VPS8: variants seen among roughly 807,000 people sequenced by gnomAD.
VPS8 encodes VPS8 subunit of CORVET complex.
Under a neutral mutation model 216.4 loss-of-function variants are expected in VPS8, and 129 were observed. The observed-to-expected ratio is 0.60, with a 90% CI of 0.52 to 0.69. The LOEUF is 0.69. Among genes scored for constraint, VPS8 ranks in the 30% least tolerant of loss-of-function variants. The pLI is 0.00. For missense variants in VPS8, 1,531 were observed against 1,683.5 expected (o/e 0.91, Z 1.59); for synonymous variants, 571 against 565.4 (o/e 1.01, Z -0.14).
Position 184,985,687 on chromosome 3 carries a change from A to C in VPS8, c.3585+2593A>C, listed in dbSNP as rs555944035. On this transcript the variant is annotated intron_variant, in intron 42 of 47. Transcript: ENST00000625842. ...GCAAATGGCCTAAACAAGGCCAATC[A>C]GTGTGCTTTCCAGGACATTTTGGAA... 7.9e-5 allele frequency among the ~76,000 whole-genome samples: 12 copies of C among 152,332 alleles called. No individual in the cohort carries two copies. In the South Asian group the frequency reaches 2.5e-3, roughly 32 times the overall value.
At chr3:185,016,206 T>G (rs1377784755) in intron 45 of VPS8, among the ~76,000 whole-genome samples, 1 of 152,206 alleles carries the variant, frequency 6.6e-6, no homozygotes, top group Non-Finnish European at 1.5e-5. Context: ...TCCCTACGTA[T>G]CGTTACTTTC....
At position 185,034,771 on chromosome 3, in the gene VPS8, G is replaced by T. The variant is rs139526995; in HGVS notation, c.4056+10382G>T. Among the ~76,000 whole-genome samples, 15 of 151,950 alleles carry T rather than the reference G, an allele frequency of 9.9e-5. No individual in the cohort carries two copies. In the East Asian group the frequency reaches 2.9e-3, roughly 29 times the overall value. ...TGTTGCAATTGCTTTTGGAGACTTA[G>T]CAAAAAAATATTTGCCAAGGGTCAA... On this transcript the variant is annotated intron_variant, in intron 46 of 47. Coordinates refer to ENST00000625842, the MANE Select transcript of VPS8 (RefSeq NM_001009921.3).
chr3:184,812,799 C>G (rs991859083), intron 1 of VPS8: 1 of 152,236 alleles, frequency 6.6e-6, no homozygotes, highest in Non-Finnish European at 1.5e-5. Flanking sequence ...GGTGTGTAGC[C>G]GGTCTGTCGG....
chr3:184,928,888 A>G lies in VPS8; in HGVS notation c.2714+355A>G, dbSNP rs58323829. On this transcript the variant is annotated intron_variant, in intron 32 of 47. Coordinates refer to ENST00000625842, the MANE Select transcript of VPS8 (RefSeq NM_001009921.3). Reference sequence around the variant, plus strand: ...GACAATGCAGTATTTGACGTAGTAAATAAGATGATATGATCACATTGCTAC... The same window carrying G: ...GACAATGCAGTATTTGACGTAGTAAGTAAGATGATATGATCACATTGCTAC... Among the ~76,000 whole-genome samples the G allele has an allele frequency of 4.7e-3, 711 of 152,300 alleles. 7 individuals carry two copies. Among genetic ancestry groups the G allele is most frequent in the African/African-American group, 0.016 (666 of 41,566 alleles).
At chr3:185,024,440 T>C (rs2110077069) in intron 46 of VPS8, 51 bp downstream of exon 46, 1 of 1,511,436 alleles carries the variant, frequency 6.6e-7, no homozygotes, top group Admixed American at 1.9e-5. Flanking sequence ...GTATGTTTAT[T>C]CTCCTATGTG....
At chr3:184,887,950 A>G (rs571489211) in intron 22 of VPS8, among the ~76,000 whole-genome samples, 44 of 151,844 alleles carry the variant, frequency 2.9e-4, no homozygotes, top group African/African-American at 1.1e-3. Flanking sequence ...TTAGCAAAAC[A>G]CATCGTGTTT....
At chr3:184,912,112 TC>T (rs1239742658) in intron 25 of VPS8, among the ~76,000 whole-genome samples, 5 of 152,136 alleles carry the variant, frequency 3.3e-5, no homozygotes, top group Admixed American at 1.3e-4. Flanking sequence ...TAAGCTCCCC[TC>T]CCCTTTCTAA....
intron 25 of VPS8, among the ~76,000 whole-genome samples, chr3:184,908,956 A>T (rs1306561544): frequency 6.6e-6 from 1 of 152,234 alleles, no homozygotes. Flanking sequence ...CAACTGGGAA[A>T]GGATGTGCAG....
chr3:185,024,257 T>C, intron 45 of VPS8, 79 bp from the exon 46 acceptor site: 6 of 1,258,820 alleles, frequency 4.8e-6, no homozygotes, highest in Non-Finnish European at 6.7e-6. Context: ...CCAATTCTAG[T>C]TGAATTATTT....
At chr3:184,833,471 GGCTGTT>G (rs1720438889) in intron 4 of VPS8, among the ~76,000 whole-genome samples, 1 of 152,050 alleles carries the variant, frequency 6.6e-6, no homozygotes, top group Non-Finnish European at 1.5e-5. Context: ...ATGGGATAGG[GGCTGTT>G]GCTGGATATG....
chr3:184,881,911 A>G (rs7617658), intron 21 of VPS8, among the ~76,000 whole-genome samples: 4,775 of 152,116 alleles, frequency 0.031, 261 homozygotes, highest in African/African-American at 0.11. Context: ...GTAATGGCAT[A>G]TGGAATGTTT....
At chr3:184,986,527 G>A (rs1330064243) in intron 42 of VPS8, among the ~76,000 whole-genome samples, 7 of 152,110 alleles carry the variant, frequency 4.6e-5, no homozygotes, top group Non-Finnish European at 7.3e-5. Context: ...GGTATTCCCC[G>A]TGCTCCTCTT....
At chr3:184,842,868 T>C (rs1033555862) in intron 7 of VPS8, among the ~76,000 whole-genome samples, 1 of 152,014 alleles carries the variant, frequency 6.6e-6, no homozygotes, top group African/African-American at 2.4e-5. Flanking sequence ...TTATACAGAG[T>C]CTTAAAAGTT....
At chr3:185,008,421 G>A (rs933572312) in intron 45 of VPS8, among the ~76,000 whole-genome samples, 2 of 152,178 alleles carry the variant, frequency 1.3e-5, no homozygotes, top group African/African-American at 4.8e-5. Flanking sequence ...CCACTATCAT[G>A]TATCTTGCCA....
At chr3:184,935,731 T>C (rs1474696006) in intron 34 of VPS8, among the ~76,000 whole-genome samples, 2 of 152,240 alleles carry the variant, frequency 1.3e-5, no homozygotes, top group Non-Finnish European at 2.9e-5. Flanking sequence ...TAACAATGTT[T>C]AATTAAAAGT....
intron 44 of VPS8, among the ~76,000 whole-genome samples, chr3:184,997,773 T>A (rs1375288294): frequency 6.6e-6 from 1 of 152,188 alleles, no homozygotes; most frequent in African/African-American, 2.4e-5. Context: ...AGGCTCACTG[T>A]TAAGGTGACT....
chr3:184,966,139 A>ACAGC (rs1299663576), intron 38 of VPS8, among the ~76,000 whole-genome samples: 1 of 152,068 alleles, frequency 6.6e-6, no homozygotes, highest in Non-Finnish European at 1.5e-5. Flanking sequence ...GGTAAAGGAG[A>ACAGC]GCTGACGTGT....
At position 184,924,954 on chromosome 3, in the gene VPS8, G is replaced by A. The variant is rs1441239443; in HGVS notation, c.2547G>A (p.Leu849=). Residue 849 remains leucine (L), a synonymous_variant, in exon 30 of 48, where the codon TTG becomes TTA. Transcript: ENST00000625842. The stretch of plus-strand genomic sequence containing the variant: ...AGCTTGCAAAGCCTGACAACACCTT[G>A]TTTGTAAACAGAACACTTTTTGATC... ...ARQLAKPDNT[L]FVNRTLFDQV... The A allele has an allele frequency of 1.2e-6, 2 of 1,613,744 alleles. No individual in the cohort carries two copies. Among genetic ancestry groups the A allele is most frequent in the Non-Finnish European group, 1.7e-6 (2 of 1,179,818 alleles).
Position 184,994,010 on chromosome 3 carries a change from G to A in VPS8, c.3613G>A (p.Gly1205Arg). 6.4e-7 allele frequency: 1 copy of A among 1,566,802 alleles called. No homozygotes were observed. Among genetic ancestry groups the A allele is most frequent in the Non-Finnish European group, 8.6e-7 (1 of 1,156,848 alleles). ...TCCAGTTTATGGAAAAGGAAAACTT[G>A]GAGAAATCCAGGGACTTATCTTGGG... is the stretch of plus-strand genomic sequence containing the variant. ...QDPVYGKGKL[G>R]EIQGLILGML... Residue 1205 changes from glycine (G) to arginine (R), a missense_variant, in exon 43 of 48, where the codon GGA (glycine) becomes AGA (arginine). This residue lies in a region of VPS8 where 1,318 missense variants were observed against 1,468.4 expected (regional missense o/e 0.90). Transcript: ENST00000625842.
Sources: gnomAD v4.1 joint callset for allele counts (sites outside exome capture counted in the v4.1 genomes callset) on GRCh38, gnomAD v4.1.1 for gene constraint, gnomAD v4.1.1 regional missense constraint, MANE v1.5 for transcripts, NCBI Gene and HGNC (gene_info 2026-07-23, HGNC 2026-07-21) for gene names.